Variants in KLF12 observed in about 807,000 individuals in gnomAD.
KLF12 encodes the protein Krueppel-like factor 12.
In KLF12, 9 loss-of-function variants were observed where a neutral mutation model predicts 37.8. The observed-to-expected ratio is 0.24, with a 90% CI of 0.14 to 0.42. The LOEUF (loss-of-function observed/expected upper bound fraction) is 0.42, where lower values mean the gene tolerates loss of function less well. KLF12 is among the 10% of genes least tolerant of loss of function. The pLI is 1.00. For synonymous variants in KLF12, 208 were observed against 202.1 expected, an observed-to-expected ratio of 1.03 and a Z score of -0.25; for missense variants, 411 against 516.0, an observed-to-expected ratio of 0.80 and a Z score of 1.97.
At chr13:74,208,332 A>G in the KLF12 span, among the ~76,000 whole-genome samples, 6 of 152,212 alleles carry the variant, frequency 3.9e-5, no homozygotes, top group African/African-American at 1.4e-4. Context: ...ACAGGCATTC[A>G]GAATGCTGCA....
chr13:74,134,892 T>C (rs1878483782), upstream of KLF12, among the ~76,000 whole-genome samples: 1 of 151,870 alleles, frequency 6.6e-6, no homozygotes, highest in South Asian at 2.1e-4. Context: ...GTCGCCCGGG[T>C]CGTCCCCGCG....
intron 5 of KLF12, among the ~76,000 whole-genome samples, chr13:73,791,392 AT>A (rs765600103): frequency 6.6e-6 from 1 of 152,160 alleles, no homozygotes; most frequent in Non-Finnish European, 1.5e-5. Flanking sequence ...TTAAACTGTC[AT>A]TCTTTTTTTT....
At chr13:74,226,164 A>G in the KLF12 span, among the ~76,000 whole-genome samples, 1 of 152,152 alleles carries the variant, frequency 6.6e-6, no homozygotes, top group Non-Finnish European at 1.5e-5. Flanking sequence ...GACAAATACA[A>G]TAAGATTAGA....
chr13:74,038,238 G>C (rs1893309530), intron 1 of KLF12, among the ~76,000 whole-genome samples: 1 of 152,182 alleles, frequency 6.6e-6, no homozygotes, highest in African/African-American at 2.4e-5. Context: ...TGAGGAATGG[G>C]AGGGGGAATT....
At chr13:74,160,141 T>C in the KLF12 span, among the ~76,000 whole-genome samples, 1 of 152,198 alleles carries the variant, frequency 6.6e-6, no homozygotes, top group Non-Finnish European at 1.5e-5. Flanking sequence ...TTGGTTAGTG[T>C]GAATAAACTC....
intron 1 of KLF12, among the ~76,000 whole-genome samples, chr13:73,997,142 T>G (rs921996618): frequency 1.3e-5 from 2 of 152,214 alleles, no homozygotes; most frequent in Non-Finnish European, 2.9e-5. Flanking sequence ...TGTTCAAGAT[T>G]CATCTCTTGC....
At chr13:73,747,971 A>G (rs1878486635) in intron 6 of KLF12, among the ~76,000 whole-genome samples, 1 of 152,242 alleles carries the variant, frequency 6.6e-6, no homozygotes, top group Non-Finnish European at 1.5e-5. Flanking sequence ...TTAAGAATGT[A>G]AAATATCATT....
At chr13:74,177,158 C>T in the KLF12 span, among the ~76,000 whole-genome samples, 92 of 152,102 alleles carry the variant, frequency 6.0e-4, no homozygotes, top group African/African-American at 4.6e-4. Context: ...TTCTGTTCTA[C>T]GATAGGGAAG....
chr13:74,113,429 T>A lies in KLF12; in HGVS notation c.-32+20310A>T, dbSNP rs190914324. Among the ~76,000 whole-genome samples the A allele has an allele frequency of 3.0e-3, 453 of 152,370 alleles. 3 individuals carry two copies. Among genetic ancestry groups the A allele is most frequent in the African/African-American group, 1.0e-2 (415 of 41,594 alleles). Reference sequence around the variant, plus strand: ...GCTGACTGTTAGGGAATAATGTATCTGGTGACTTTAAATTGAAGCCAATGC... The same window carrying A: ...GCTGACTGTTAGGGAATAATGTATCAGGTGACTTTAAATTGAAGCCAATGC... On this transcript the variant is annotated intron_variant, in intron 1 of 7. Coordinates refer to ENST00000377669, the MANE Select transcript of KLF12 (RefSeq NM_007249.5).
At chr13:74,168,786 G>A in the KLF12 span, among the ~76,000 whole-genome samples, 2 of 152,184 alleles carry the variant, frequency 1.3e-5, no homozygotes, top group African/African-American at 2.4e-5. Context: ...GCTTCAAGAA[G>A]GTGGGTTATT....
At chr13:74,226,794 C>T in the KLF12 span, among the ~76,000 whole-genome samples, 1 of 152,136 alleles carries the variant, frequency 6.6e-6, no homozygotes, top group African/African-American at 2.4e-5. Flanking sequence ...GAAAGGTACC[C>T]TAACTTTCAT....
intron 3 of KLF12, among the ~76,000 whole-genome samples, chr13:73,868,917 T>C (rs1275468892): frequency 6.6e-6 from 1 of 152,146 alleles, no homozygotes; most frequent in Non-Finnish European, 1.5e-5. Context: ...AATTTACAAA[T>C]TGGCAAAACA....
intron 7 of KLF12, among the ~76,000 whole-genome samples, chr13:73,710,329 C>A (rs1278019605): frequency 6.6e-6 from 1 of 151,772 alleles, no homozygotes; most frequent in Non-Finnish European, 1.5e-5. Context: ...CATATACAGG[C>A]ATATCTTATT....
intron 6 of KLF12, among the ~76,000 whole-genome samples, chr13:73,739,820 T>C (rs28719035): frequency 0.19 from 28,194 of 151,564 alleles, 2,458 homozygotes; most frequent in African/African-American, 0.29. Flanking sequence ...ATAAAAACAT[T>C]TGTAAATTTA....
chr13:73,837,413 G>A (rs1884494670), intron 4 of KLF12, among the ~76,000 whole-genome samples: 1 of 152,136 alleles, frequency 6.6e-6, no homozygotes, highest in Non-Finnish European at 1.5e-5. Context: ...TTTTTTGATG[G>A]AATCTATTCA....
At chr13:73,963,220 T>C (rs1014139293) in intron 2 of KLF12, among the ~76,000 whole-genome samples, 3 of 152,130 alleles carry the variant, frequency 2.0e-5, no homozygotes, top group Middle Eastern at 3.4e-3. Context: ...GTGTGTTCTA[T>C]TGGGATAGAA....
the KLF12 span, among the ~76,000 whole-genome samples, chr13:74,297,080 ATTC>A: frequency 6.6e-6 from 1 of 152,174 alleles, no homozygotes; most frequent in African/African-American, 2.4e-5. Context: ...TCATTCATTC[ATTC>A]ATCTTATCAA....
intron 4 of KLF12, among the ~76,000 whole-genome samples, chr13:73,821,223 C>T (rs7333166): frequency 0.029 from 4,429 of 152,222 alleles, 86 homozygotes; most frequent in African/African-American, 0.044. Flanking sequence ...TTTCTGTCTG[C>T]CTCTTTATTG....
chr13:74,257,515 T>C, the KLF12 span: 1 of 152,174 alleles, frequency 6.6e-6, no homozygotes, highest in Non-Finnish European at 1.5e-5. Context: ...GGAACATGTA[T>C]GGATGGAAAA....
Sources: gnomAD v4.1 joint callset for allele counts (sites outside exome capture counted in the v4.1 genomes callset) on GRCh38, gnomAD v4.1.1 for gene constraint, MANE v1.5 for transcripts, NCBI Gene and HGNC (gene_info 2026-07-23, HGNC 2026-07-21) for gene names.